The following PIK3CB variants were observed in gnomAD, a reference collection of about 807,000 sequenced individuals.
PIK3CB encodes the protein phosphatidylinositol-4,5-bisphosphate 3-kinase catalytic subunit beta, also known as phosphatidylinositol 4,5-bisphosphate 3-kinase catalytic subunit beta isoform.
PIK3CB carries 39 observed loss-of-function variants against 136.8 expected under a neutral mutation model. The ratio of observed to expected loss-of-function variants is 0.29; its 90% CI spans 0.22 to 0.37. The LOEUF (loss-of-function observed/expected upper bound fraction) is 0.37. PIK3CB is among the 10% of genes least tolerant of loss of function. The probability of loss-of-function intolerance (pLI) is 1.00; values close to 1 mark genes in which losing one functional copy is unlikely to be tolerated. For missense variants in PIK3CB, 868 were observed against 1,275.4 expected, an observed-to-expected ratio of 0.68 and a Z score of 4.87; for synonymous variants, 428 against 436.6, an observed-to-expected ratio of 0.98 and a Z score of 0.25.
chr3:138,763,554 G>C (rs2045690657), intron 2 of PIK3CB, among the ~76,000 whole-genome samples: 3 of 152,086 alleles, frequency 2.0e-5, no homozygotes, highest in Admixed American at 2.0e-4. Context: ...TTTTTGTCAA[G>C]AATCTCAGAA....
At chr3:138,760,925 A>C (rs2108739443) in intron 2 of PIK3CB, among the ~76,000 whole-genome samples, 1 of 152,312 alleles carries the variant, frequency 6.6e-6, no homozygotes, top group East Asian at 1.9e-4. Flanking sequence ...AAAAATTAAA[A>C]AACAATTTTT....
intron 12 of PIK3CB, among the ~76,000 whole-genome samples, chr3:138,700,787 C>G (rs556910853): frequency 4.5e-4 from 69 of 151,940 alleles, no homozygotes; most frequent in African/African-American, 1.6e-3. Context: ...TGTTATAAGC[C>G]AACTAATAAA....
chr3:138,753,759 T>C (rs1231498831), intron 4 of PIK3CB, among the ~76,000 whole-genome samples: 1 of 151,938 alleles, frequency 6.6e-6, no homozygotes, highest in Non-Finnish European at 1.5e-5. Context: ...TGAGCTGAGA[T>C]CGCACCACTG....
At chr3:138,768,921 T>G (rs2045767145) in intron 2 of PIK3CB, among the ~76,000 whole-genome samples, 1 of 152,142 alleles carries the variant, frequency 6.6e-6, no homozygotes, top group Non-Finnish European at 1.5e-5. Context: ...TGGGCCTTCT[T>G]GGGCCCCTAA....
rs192994899 is a variant in PIK3CB, at chr3:138,805,880, C to T, written c.-121-9313G>A. Among the ~76,000 whole-genome samples, 428 of 151,556 alleles carry T rather than the reference C, an allele frequency of 2.8e-3. 2 individuals carry two copies. Among genetic ancestry groups the T allele is most frequent in the African/African-American group, 9.9e-3 (411 of 41,400 alleles). On this transcript the variant is annotated intron_variant, in intron 1 of 23. Coordinates refer to ENST00000674063, the MANE Select transcript of PIK3CB (RefSeq NM_006219.3). ...GAGTAGCTGGGATTACAGGCATGCC[C>T]CACCATGCCGGGCTAATTTTTGTAT...
At chr3:138,771,536 A>G (rs1379720491) in intron 2 of PIK3CB, among the ~76,000 whole-genome samples, 4 of 152,176 alleles carry the variant, frequency 2.6e-5, no homozygotes, top group Non-Finnish European at 5.9e-5. Flanking sequence ...TTCATTTTCT[A>G]AAGGTGATTA....
intron 21 of PIK3CB, among the ~76,000 whole-genome samples, chr3:138,662,113 CTTTT>C (rs1173189507): frequency 7.3e-6 from 1 of 136,144 alleles, no homozygotes; most frequent in African/African-American, 2.7e-5. Flanking sequence ...CATTGGTAAT[CTTTT>C]TTTTTTTTTT....
At chr3:138,703,979 T>C (rs553907510) in intron 12 of PIK3CB, among the ~76,000 whole-genome samples, 1 of 152,260 alleles carries the variant, frequency 6.6e-6, no homozygotes, top group African/African-American at 2.4e-5. Flanking sequence ...GGCTGGAATA[T>C]AGTAAAGTAG....
At chr3:138,668,226 A>C (rs2043456060) in intron 19 of PIK3CB, among the ~76,000 whole-genome samples, 1 of 152,150 alleles carries the variant, frequency 6.6e-6, no homozygotes, top group Admixed American at 6.5e-5. Flanking sequence ...AACACATGTA[A>C]AGCAAACACT....
chr3:138,752,061 G>A (rs1435467616), intron 4 of PIK3CB, among the ~76,000 whole-genome samples: 1 of 151,774 alleles, frequency 6.6e-6, no homozygotes, highest in African/African-American at 2.4e-5. Context: ...AGAAATAAGG[G>A]AGTTTACAAA....
chr3:138,664,078 C>A (rs370214055), intron 20 of PIK3CB, 49 bp from the exon 21 acceptor site: 3 of 1,599,844 alleles, frequency 1.9e-6, no homozygotes, highest in South Asian at 2.2e-5. Context: ...AGCCTCCAAG[C>A]GTGTAGAGTG....
rs777091784 is a variant in PIK3CB at position 138,665,148 on chromosome 3, C to T, written c.2560G>A (p.Val854Met). The change falls in exon 20 of 24, where the codon GTG (valine) becomes ATG (methionine). Residue 854 changes from valine to methionine, a missense_variant. Val to Met is a conservative substitution (Grantham distance 21). Around this residue, in one of 4 missense-constraint regions of PIK3CB, gnomAD observed 165 missense variants for 295.4 expected, o/e 0.56. Coordinates refer to ENST00000674063, the MANE Select transcript of PIK3CB (RefSeq NM_006219.3). The part of the protein sequence containing the change: ...TGDRSGLIEV[V>M]STSETIADIQ... Reference sequence around the variant, plus strand: ...TCAGCAATTGTTTCAGAGGTGCTCACAACTTCAATGAGGCCAGAGCGATCT... The same window carrying T: ...TCAGCAATTGTTTCAGAGGTGCTCATAACTTCAATGAGGCCAGAGCGATCT... The T allele has an allele frequency of 1.2e-6, 2 of 1,613,336 alleles. No homozygotes were observed. Among genetic ancestry groups the T allele is most frequent in the Non-Finnish European group, 1.7e-6 (2 of 1,179,636 alleles).
At chr3:138,793,109 T>C (rs1257037260) in intron 2 of PIK3CB, among the ~76,000 whole-genome samples, 1 of 152,208 alleles carries the variant, frequency 6.6e-6, no homozygotes, top group Non-Finnish European at 1.5e-5. Flanking sequence ...CCACCTGCAT[T>C]GTGCCAGGCA....
intron 1 of PIK3CB, chr3:138,826,404 C>T: frequency 7.4e-7 from 1 of 1,353,622 alleles, no homozygotes; most frequent in Non-Finnish European, 1.0e-6. Context: ...TTGTTTCAAT[C>T]AGCCATTTAG....
At chr3:138,816,265 G>A (rs149594630) in intron 1 of PIK3CB, among the ~76,000 whole-genome samples, 72 of 152,016 alleles carry the variant, frequency 4.7e-4, no homozygotes, top group African/African-American at 1.7e-3. Context: ...GCAACAGAGT[G>A]AAACACTGTC....
chr3:138,773,873 T>C (rs527727905), intron 2 of PIK3CB, among the ~76,000 whole-genome samples: 4 of 152,212 alleles, frequency 2.6e-5, no homozygotes, highest in Non-Finnish European at 4.4e-5. Flanking sequence ...TGAACAGTAT[T>C]TGGGACATGG....
At chr3:138,686,551 C>T (rs917203630) in intron 16 of PIK3CB, among the ~76,000 whole-genome samples, 1 of 151,980 alleles carries the variant, frequency 6.6e-6, no homozygotes, top group African/African-American at 2.4e-5. Flanking sequence ...ACTTCAGCCA[C>T]GCATAAAGAA....
At chr3:138,808,403 G>A (rs932204615) in intron 1 of PIK3CB, among the ~76,000 whole-genome samples, 1 of 152,090 alleles carries the variant, frequency 6.6e-6, no homozygotes, top group African/African-American at 2.4e-5. Flanking sequence ...GGCCAAGGCA[G>A]GAAGATCATT....
chr3:138,742,149 C>A (rs558334603), intron 5 of PIK3CB, among the ~76,000 whole-genome samples: 7 of 152,192 alleles, frequency 4.6e-5, no homozygotes, highest in Non-Finnish European at 8.8e-5. Flanking sequence ...TCTAGACCAG[C>A]AACTGGCAAA....
Sources: allele counts gnomAD v4.1 joint callset (sites outside exome capture counted in the v4.1 genomes callset), GRCh38; gene constraint gnomAD v4.1.1; regional missense constraint gnomAD v4.1.1; transcripts MANE v1.5; gene names NCBI Gene and HGNC (gene_info 2026-07-23, HGNC 2026-07-21).